The following TJP1 variants were observed in gnomAD, a reference collection of about 807,000 sequenced individuals.
TJP1 encodes the protein tight junction protein ZO-1.
A neutral mutation model predicts 194.2 loss-of-function variants in TJP1; 43 were observed. That is an observed-to-expected ratio of 0.22 (90% CI 0.17 to 0.29). The LOEUF (loss-of-function observed/expected upper bound fraction) is 0.29. Among genes scored for constraint, TJP1 ranks in the 10% least tolerant of loss-of-function variants. The pLI, the probability that TJP1 is intolerant of heterozygous loss-of-function variation, is 1.00. For missense variants in TJP1, 1,971 were observed against 2,185.7 expected (o/e 0.90, Z 1.96); for synonymous variants, 801 against 779.0 (o/e 1.03, Z -0.47).
intron 2 of TJP1, among the ~76,000 whole-genome samples, chr15:29,791,174 ACAC>A (rs2048057225): frequency 6.6e-6 from 1 of 151,470 alleles, no homozygotes; most frequent in Non-Finnish European, 1.5e-5. Flanking sequence ...CTACAGGTGC[ACAC>A]CACCACATTT....
At position 29,705,723 on chromosome 15, in the gene TJP1, C is replaced by T; in HGVS notation, c.4873G>A (p.Glu1625Lys). 6.2e-7 allele frequency: 1 copy of T among 1,614,138 alleles called. No individual in the cohort carries two copies. Among genetic ancestry groups the T allele is most frequent in the Non-Finnish European group, 8.5e-7 (1 of 1,180,024 alleles). The change falls in exon 26 of 28, where the codon GAA (glutamate) becomes AAA (lysine). Residue 1625 changes from glutamate to lysine, a missense_variant. Around this residue, in one of 5 missense-constraint regions of TJP1, gnomAD observed 1,108 missense variants for 1,128.5 expected, o/e 0.98. Transcript: ENST00000614355. ...ACCACAGTATGACCATCTTCATCTT[C>T]ATCCTCTTCCACAGCTGAAGGACTG... ...PVSPSAVEED[E>K]DEDGHTVVAT...
At chr15:29,744,094 A>G (rs1351736748) in intron 8 of TJP1, among the ~76,000 whole-genome samples, 1 of 152,058 alleles carries the variant, frequency 6.6e-6, no homozygotes, top group Non-Finnish European at 1.5e-5. Flanking sequence ...CAGGAGAATC[A>G]ATTGAACCCA....
chr15:29,753,451 T>C, intron 8 of TJP1, among the ~76,000 whole-genome samples: 1 of 121,530 alleles, frequency 8.2e-6, no homozygotes. Context: ...GCCACTGCAC[T>C]CCAGCCTGGG....
At chr15:29,740,681 G>A (rs142615432) in intron 10 of TJP1, among the ~76,000 whole-genome samples, 1 of 151,922 alleles carries the variant, frequency 6.6e-6, no homozygotes, top group East Asian at 1.9e-4. Flanking sequence ...TAATCATGAT[G>A]GTTTGAAATT....
At chr15:29,940,918 G>C (rs1002841733) in intron 2 of TJP1, among the ~76,000 whole-genome samples, 1 of 151,906 alleles carries the variant, frequency 6.6e-6, no homozygotes, top group Admixed American at 6.6e-5. Context: ...CATAACCACA[G>C]CACCCAGAGA....
chr15:29,764,613 G>A (rs2046216665), intron 5 of TJP1, among the ~76,000 whole-genome samples: 1 of 152,116 alleles, frequency 6.6e-6, no homozygotes. Flanking sequence ...GTATTCAGGA[G>A]TGAGGACATT....
chr15:29,933,836 A>G (rs2152273859), intron 2 of TJP1, among the ~76,000 whole-genome samples: 2 of 152,310 alleles, frequency 1.3e-5, no homozygotes, highest in South Asian at 4.1e-4. Flanking sequence ...AGAGTTCTGG[A>G]TCATGACTTG....
At chr15:29,888,131 A>T (rs2053182196) in intron 2 of TJP1, among the ~76,000 whole-genome samples, 1 of 152,182 alleles carries the variant, frequency 6.6e-6, no homozygotes, top group African/African-American at 2.4e-5. Flanking sequence ...TTTATAATAA[A>T]ATGTTAAAGA....
intron 2 of TJP1, among the ~76,000 whole-genome samples, chr15:29,903,344 G>A (rs2053693529): frequency 6.6e-6 from 1 of 152,140 alleles, no homozygotes; most frequent in Admixed American, 6.5e-5. Flanking sequence ...TTATCTAGAA[G>A]GATCTTCTTG....
intron 1 of TJP1, among the ~76,000 whole-genome samples, chr15:29,965,093 T>G (rs1480345401): frequency 1.3e-5 from 2 of 152,234 alleles, no homozygotes; most frequent in African/African-American, 2.4e-5. Context: ...CCTTTCCATA[T>G]AGACTGCAGT....
At chr15:29,960,462 G>A (rs1056109370) in intron 1 of TJP1, among the ~76,000 whole-genome samples, 16 of 147,304 alleles carry the variant, frequency 1.1e-4, no homozygotes, top group African/African-American at 2.3e-4. Context: ...GAGAGATCCC[G>A]TCTCTACAAA....
chr15:29,899,371 T>C (rs2053570917), intron 2 of TJP1, among the ~76,000 whole-genome samples: 1 of 152,266 alleles, frequency 6.6e-6, no homozygotes, highest in Non-Finnish European at 1.5e-5. Flanking sequence ...TATTCTGCTC[T>C]CAATTAAGTG....
chr15:29,759,124 C>T (rs2045835448), intron 8 of TJP1: 2 of 152,302 alleles, frequency 1.3e-5, no homozygotes, highest in South Asian at 2.1e-4. Flanking sequence ...GTACGCCTCC[C>T]TTTTCTTACT....
chr15:29,967,183 T>C (rs948252999), intron 1 of TJP1, among the ~76,000 whole-genome samples: 14 of 151,738 alleles, frequency 9.2e-5, no homozygotes, highest in South Asian at 6.3e-4. Flanking sequence ...CCGGGTAATT[T>C]TGTATTTTTT....
intron 2 of TJP1, among the ~76,000 whole-genome samples, chr15:29,774,693 C>A (rs1370131831): frequency 2.0e-5 from 3 of 151,704 alleles, no homozygotes; most frequent in African/African-American, 7.3e-5. Flanking sequence ...GGTCACACAA[C>A]TCGGAACACG....
chr15:29,874,782 C>A (rs958509033), intron 2 of TJP1, among the ~76,000 whole-genome samples: 2 of 152,144 alleles, frequency 1.3e-5, no homozygotes, highest in African/African-American at 4.8e-5. Context: ...CTTTTAAACA[C>A]CACAACTTAA....
chr15:29,707,077 G>A (rs1232516695), intron 25 of TJP1, among the ~76,000 whole-genome samples: 1 of 152,152 alleles, frequency 6.6e-6, no homozygotes, highest in East Asian at 1.9e-4. Context: ...AGCATTCCCT[G>A]AGGACCAAGC....
intron 2 of TJP1, among the ~76,000 whole-genome samples, chr15:29,902,283 T>C (rs2053657945): frequency 6.6e-6 from 1 of 152,186 alleles, no homozygotes; most frequent in Non-Finnish European, 1.5e-5. Context: ...AAAGTATAGA[T>C]TCAACTGCTT....
chr15:29,852,462 G>A (rs1007794323), intron 2 of TJP1, among the ~76,000 whole-genome samples: 3 of 152,240 alleles, frequency 2.0e-5, no homozygotes, highest in South Asian at 4.1e-4. Context: ...AGCACCAAGT[G>A]TGGAGAGGAT....
Sources: gnomAD v4.1 joint callset for allele counts (sites outside exome capture counted in the v4.1 genomes callset) on GRCh38, gnomAD v4.1.1 for gene constraint, gnomAD v4.1.1 regional missense constraint, MANE v1.5 for transcripts, NCBI Gene and HGNC (gene_info 2026-07-23, HGNC 2026-07-21) for gene names.